Variants in TRIM37 observed in about 807,000 individuals in gnomAD.
TRIM37 encodes the protein E3 ubiquitin-protein ligase TRIM37.
TRIM37 carries 80 observed loss-of-function variants against 129.8 expected under a neutral mutation model. The observed-to-expected ratio is 0.62, with a 90% CI of 0.51 to 0.74. The LOEUF (loss-of-function observed/expected upper bound fraction) is 0.74. Among genes scored for constraint, TRIM37 ranks in the 30% least tolerant of loss-of-function variants. The pLI, the probability that TRIM37 is intolerant of heterozygous loss-of-function variation, is 0.00. For synonymous variants in TRIM37, 389 were observed against 387.1 expected (o/e 1.00, Z -0.06); for missense variants, 1,054 against 1,176.5 (o/e 0.90, Z 1.52).
chr17:59,057,531 T>C (rs2041069965), intron 12 of TRIM37, among the ~76,000 whole-genome samples: 1 of 152,064 alleles, frequency 6.6e-6, no homozygotes, highest in South Asian at 2.1e-4. Context: ...TATTTTTTTG[T>C]TTGCTTTTTT....
the TRIM37 span, among the ~76,000 whole-genome samples, chr17:58,973,710 T>C: frequency 1.3e-5 from 2 of 151,890 alleles, no homozygotes; most frequent in African/African-American, 4.8e-5. Flanking sequence ...CCCAGCACTT[T>C]GGGAGGCTGA....
At chr17:59,047,627 T>C (rs1272732315) in intron 16 of TRIM37, 56 bp downstream of exon 16, 4 of 1,547,920 alleles carry the variant, frequency 2.6e-6, no homozygotes, top group Non-Finnish European at 3.5e-6. Context: ...AGTTAGTTAA[T>C]ATGCTTCTAA....
chr17:59,024,597 G>A (rs1201619517), intron 19 of TRIM37, among the ~76,000 whole-genome samples: 10 of 152,126 alleles, frequency 6.6e-5, no homozygotes, highest in Non-Finnish European at 1.5e-5. Flanking sequence ...GCACGATCAC[G>A]GCTCACTGCA....
At chr17:59,042,474 A>ATC (rs1426645720) in intron 16 of TRIM37, among the ~76,000 whole-genome samples, 67 of 132,188 alleles carry the variant, frequency 5.1e-4, no homozygotes, top group Non-Finnish European at 7.5e-4. Flanking sequence ...ATATATATAT[A>ATC]TCTCAAGGCC....
chr17:59,062,708 G>A, intron 10 of TRIM37, 60 bp from the exon 11 acceptor site: 1 of 1,427,956 alleles, frequency 7.0e-7, no homozygotes, highest in South Asian at 1.2e-5. Flanking sequence ...ATGGCAACAG[G>A]CAAAAAGAAA....
chr17:58,968,777 G>T, the TRIM37 span, among the ~76,000 whole-genome samples: 1 of 152,318 alleles, frequency 6.6e-6, no homozygotes, highest in South Asian at 2.1e-4. Flanking sequence ...GGAATCTTAT[G>T]ATTAGGCTTT....
Position 59,081,142 on chromosome 17 carries a change from T to C in TRIM37, c.447A>G (p.Lys149=), listed in dbSNP as rs1232902957. The change falls in exon 6 of 24, where the codon AAA becomes AAG. Residue 149 remains lysine (K), a synonymous_variant. Coordinates refer to ENST00000262294, the MANE Select transcript of TRIM37 (RefSeq NM_015294.6). ...TCAGTTCCATGAGACGCCGACGAAG[T>C]TTGGCTACCTCTTCATTCACTTTAG... The part of the protein sequence containing the change: ...HVTKVNEEVA[K]LRRRLMELIS... 1.2e-6 allele frequency: 2 copies of C among 1,613,746 alleles called. No individual in the cohort carries two copies. The highest frequency in any genetic ancestry group is 8.5e-7 in the Non-Finnish European group (1 of 1,179,806).
At chr17:59,083,124 G>T (rs1225862374) in intron 5 of TRIM37, among the ~76,000 whole-genome samples, 3 of 152,046 alleles carry the variant, frequency 2.0e-5, no homozygotes, top group Non-Finnish European at 4.4e-5. Context: ...ACTTATTATT[G>T]TAAGGAGATC....
intron 12 of TRIM37, among the ~76,000 whole-genome samples, chr17:59,057,260 G>C (rs1351519701): frequency 1.3e-5 from 2 of 152,176 alleles, no homozygotes; most frequent in East Asian, 1.9e-4. Flanking sequence ...TTGTTGCCCA[G>C]GCTGGAGTGC....
At chr17:59,104,525 G>A in intron 1 of TRIM37, 131 bp from the exon 2 acceptor site, 1 of 866,954 alleles carries the variant, frequency 1.2e-6, no homozygotes, top group African/African-American at 1.6e-5. Flanking sequence ...TCCATATCAG[G>A]ATTTGGTTGG....
At chr17:59,015,830 T>A in intron 20 of TRIM37, 31 bp from the exon 21 acceptor site, 1 of 1,608,458 alleles carries the variant, frequency 6.2e-7, no homozygotes, top group Non-Finnish European at 8.5e-7. Flanking sequence ...AATACAAAAA[T>A]TAGCTGGGCA....
At chr17:59,068,700 G>T (rs979370239) in intron 9 of TRIM37, among the ~76,000 whole-genome samples, 1 of 152,182 alleles carries the variant, frequency 6.6e-6, no homozygotes, top group Non-Finnish European at 1.5e-5. Flanking sequence ...ATTTTATGAG[G>T]TTGTTAATCA....
At chr17:59,008,709 A>G (rs1396871787) in intron 22 of TRIM37, among the ~76,000 whole-genome samples, 1 of 152,170 alleles carries the variant, frequency 6.6e-6, no homozygotes, top group Non-Finnish European at 1.5e-5. Context: ...GACCAGTCTG[A>G]GCATACAGCA....
rs72443487 is a variant in TRIM37 at position 59,012,227 on chromosome 17, G to GCAGCAGCAGCAGCAGCACCAGCAC, written c.2695+100_2695+101insGTGCTGGTGCTGCTGCTGCTGCTG. The GCAGCAGCAGCAGCAGCACCAGCAC allele has an allele frequency of 8.0e-5, 49 of 611,886 alleles. No individual in the cohort carries two copies. In the East Asian group the frequency reaches 1.4e-3, roughly 18 times the overall value. The allele number at this position is 611,886 out of a possible 1,614,324, so 37.9% of individuals were successfully genotyped here. ...CCTATCACTACCACCAGCAGCAGCA[G>GCAGCAGCAGCAGCAGCACCAGCAC]CACCACCACCACCACCACCACCACC... On this transcript the variant is annotated intron_variant, in intron 22 of 23. Coordinates refer to ENST00000262294, the MANE Select transcript of TRIM37 (RefSeq NM_015294.6).
chr17:59,074,658 T>C (rs1024472568), intron 8 of TRIM37, among the ~76,000 whole-genome samples: 1 of 152,140 alleles, frequency 6.6e-6, no homozygotes, highest in Non-Finnish European at 1.5e-5. Context: ...TCAGGAAACA[T>C]GAGATTCAAT....
intron 8 of TRIM37, among the ~76,000 whole-genome samples, chr17:59,071,477 G>A (rs1008331880): frequency 6.6e-6 from 1 of 151,946 alleles, no homozygotes; most frequent in Non-Finnish European, 1.5e-5. Context: ...AGTAGAGACA[G>A]GGTTTCTCCA....
At chr17:59,003,517 G>A (rs2034055080) in intron 22 of TRIM37, among the ~76,000 whole-genome samples, 1 of 151,998 alleles carries the variant, frequency 6.6e-6, no homozygotes, top group African/African-American at 2.4e-5. Flanking sequence ...GGAGAGATGG[G>A]TAGTGTAGTT....
chr17:59,082,007 C>G (rs919258112), intron 5 of TRIM37, among the ~76,000 whole-genome samples: 12 of 149,080 alleles, frequency 8.0e-5, no homozygotes, highest in Non-Finnish European at 1.5e-4. Flanking sequence ...TGGTGGCTCA[C>G]GCCTGTAATC....
Position 59,038,414 on chromosome 17 carries a change from A to G in TRIM37, c.1753+3399T>C, listed in dbSNP as rs139815050. Among the ~76,000 whole-genome samples the G allele has an allele frequency of 1.3e-3, 194 of 152,318 alleles. 2 individuals carry two copies. In the Middle Eastern group the frequency reaches 0.017, roughly 13 times the overall value. ...CAAATACATAAATTTCCCAAAGCAT[A>G]TAATAAAAATAAACTGGTTCATTAT... On this transcript the variant is annotated intron_variant, in intron 17 of 23. Coordinates refer to ENST00000262294, the MANE Select transcript of TRIM37 (RefSeq NM_015294.6).
Sources: allele counts gnomAD v4.1 joint callset (sites outside exome capture counted in the v4.1 genomes callset), GRCh38; gene constraint gnomAD v4.1.1; transcripts MANE v1.5; gene names NCBI Gene and HGNC (gene_info 2026-07-23, HGNC 2026-07-21).